OSBPL10: variants seen among roughly 807,000 people sequenced by gnomAD.
OSBPL10 encodes oxysterol-binding protein-related protein 10.
OSBPL10 carries 49 observed loss-of-function variants against 81.7 expected under a neutral mutation model. That is an observed-to-expected ratio of 0.60 (90% CI 0.48 to 0.76). OSBPL10 has a LOEUF of 0.76. OSBPL10 is among the 30% of genes least tolerant of loss of function. The pLI is 0.00. For synonymous variants in OSBPL10, 419 were observed against 383.6 expected, an observed-to-expected ratio of 1.09 and a Z score of -1.08; for missense variants, 923 against 987.8, an observed-to-expected ratio of 0.93 and a Z score of 0.88.
chr3:31,734,518 G>A (rs1460767520), intron 5 of OSBPL10, among the ~76,000 whole-genome samples: 7 of 152,034 alleles, frequency 4.6e-5, no homozygotes, highest in South Asian at 2.1e-4. Context: ...CAGAAGGATC[G>A]CTTGAGCCCA....
chr3:32,024,486 A>ATTTTTTT (rs34141476), intron 2 of OSBPL10, among the ~76,000 whole-genome samples: 1 of 111,766 alleles, frequency 8.9e-6, no homozygotes. Flanking sequence ...TGTGAATGGA[A>ATTTTTTT]TTTTTTTTTT....
intron 5 of OSBPL10, among the ~76,000 whole-genome samples, chr3:31,746,980 T>TA (rs890506497): frequency 9.3e-5 from 14 of 151,230 alleles, no homozygotes; most frequent in Non-Finnish European, 1.6e-4. Flanking sequence ...ATAATAATAA[T>TA]AAAAAAAAGA....
chr3:31,969,312 G>C (rs1025188139), intron 1 of OSBPL10: 1 of 152,544 alleles, frequency 6.6e-6, no homozygotes, highest in Non-Finnish European at 1.5e-5. Flanking sequence ...GCAGAGAAAG[G>C]ACAGGCCAGG....
intron 3 of OSBPL10, among the ~76,000 whole-genome samples, chr3:31,876,002 G>C (rs1357731810): frequency 6.6e-6 from 1 of 152,042 alleles, no homozygotes; most frequent in Non-Finnish European, 1.5e-5. Flanking sequence ...AGAACATTTT[G>C]ATACACTAGG....
At chr3:31,812,021 T>A (rs1464127204) in intron 4 of OSBPL10, among the ~76,000 whole-genome samples, 6 of 152,208 alleles carry the variant, frequency 3.9e-5, no homozygotes, top group Admixed American at 2.0e-4. Context: ...TTTTATTTTT[T>A]AAATTTATTT....
chr3:32,047,326 G>A (rs1171014209), intron 1 of OSBPL10, among the ~76,000 whole-genome samples: 2 of 152,096 alleles, frequency 1.3e-5, no homozygotes, highest in Non-Finnish European at 2.9e-5. Context: ...TGGCTACTCC[G>A]TAGACAGAGT....
intron 4 of OSBPL10, among the ~76,000 whole-genome samples, chr3:31,791,823 G>A (rs1330512271): frequency 6.7e-6 from 1 of 148,478 alleles, no homozygotes; most frequent in Non-Finnish European, 1.5e-5. Flanking sequence ...GAAAAATTGG[G>A]TTTCAAAGAC....
chr3:31,934,459 A>C (rs1202903063), intron 1 of OSBPL10, among the ~76,000 whole-genome samples: 1 of 147,682 alleles, frequency 6.8e-6, no homozygotes, highest in Non-Finnish European at 1.5e-5. Flanking sequence ...CCCAGGCTGG[A>C]GTGCAATGGC....
chr3:31,839,972 C>A (rs980236202), intron 3 of OSBPL10, among the ~76,000 whole-genome samples: 2 of 132,234 alleles, frequency 1.5e-5, no homozygotes, highest in Non-Finnish European at 3.4e-5. Context: ...TTACTTAGGT[C>A]TACATGGAAT....
chr3:31,825,373 G>A (rs1321901039), intron 4 of OSBPL10, among the ~76,000 whole-genome samples: 1 of 152,140 alleles, frequency 6.6e-6, no homozygotes, highest in Admixed American at 6.5e-5. Context: ...CTAGGGTGGA[G>A]TGCAGTGGGG....
chr3:32,067,911 A>T (rs1305806205), intron 1 of OSBPL10, among the ~76,000 whole-genome samples: 1 of 152,146 alleles, frequency 6.6e-6, no homozygotes, highest in Non-Finnish European at 1.5e-5. Flanking sequence ...TGGTCTCTTC[A>T]CACAGATGCG....
At chr3:31,896,743 G>A (rs1696071938) in intron 1 of OSBPL10, among the ~76,000 whole-genome samples, 2 of 152,208 alleles carry the variant, frequency 1.3e-5, no homozygotes, top group African/African-American at 2.4e-5. Context: ...CCTCTGGGAA[G>A]AAGAATGGTG....
At chr3:31,737,684 T>C (rs1288818891) in intron 5 of OSBPL10, among the ~76,000 whole-genome samples, 6 of 151,756 alleles carry the variant, frequency 4.0e-5, no homozygotes, top group Admixed American at 1.3e-4. Flanking sequence ...CAGATGACAA[T>C]CATGAGGCAG....
intron 1 of OSBPL10, among the ~76,000 whole-genome samples, chr3:31,925,098 A>G (rs1424270483): frequency 6.6e-6 from 1 of 152,190 alleles, no homozygotes; most frequent in Non-Finnish European, 1.5e-5. Context: ...AGCCAAGGAG[A>G]AACTCCTGGG....
intron 4 of OSBPL10, among the ~76,000 whole-genome samples, chr3:31,791,711 T>C (rs2125424283): frequency 6.6e-6 from 1 of 151,522 alleles, no homozygotes; most frequent in South Asian, 2.1e-4. Context: ...TCCATGAAAA[T>C]CATATCTTTA....
intron 2 of OSBPL10, among the ~76,000 whole-genome samples, chr3:31,995,102 C>A (rs948281938): frequency 2.6e-5 from 4 of 152,132 alleles, no homozygotes; most frequent in Admixed American, 2.6e-4. Flanking sequence ...GGGGCAAGGA[C>A]AAAATCAGAA....
chr3:31,871,781 T>C (rs1393418249), intron 3 of OSBPL10, among the ~76,000 whole-genome samples: 1 of 152,160 alleles, frequency 6.6e-6, no homozygotes, highest in Admixed American at 6.5e-5. Flanking sequence ...GAGGATGGAT[T>C]GAGAGCCTGG....
In OSBPL10 at chr3:31,738,750, A is replaced by C. The variant is rs185977933; in HGVS notation, c.941-5339T>G. ...TAAAACCCATGCAGCCGAGCTCCACAACCCAGACTCCTACGCTATGCACCA... is the reference window on the plus strand; with the variant it reads ...TAAAACCCATGCAGCCGAGCTCCACCACCCAGACTCCTACGCTATGCACCA... On this transcript the variant is annotated intron_variant, in intron 5 of 11. Transcript: ENST00000396556. Among the ~76,000 whole-genome samples the C allele has an allele frequency of 2.4e-3, 363 of 152,284 alleles. 2 individuals carry two copies. Among genetic ancestry groups the C allele is most frequent in the African/African-American group, 8.5e-3 (354 of 41,548 alleles).
intron 1 of OSBPL10, among the ~76,000 whole-genome samples, chr3:31,902,524 A>T (rs1696277858): frequency 6.6e-6 from 1 of 151,630 alleles, no homozygotes; most frequent in Non-Finnish European, 1.5e-5. Context: ...CAGCCTCTCA[A>T]AGTGCTGGGA....
Sources: gnomAD v4.1 joint callset for allele counts (sites outside exome capture counted in the v4.1 genomes callset) on GRCh38, gnomAD v4.1.1 for gene constraint, MANE v1.5 for transcripts, NCBI Gene and HGNC (gene_info 2026-07-23, HGNC 2026-07-21) for gene names.